Variants in UTP20 observed in about 807,000 individuals in gnomAD.
The protein encoded by UTP20 is small subunit processome component 20 homolog.
A neutral mutation model predicts 329.5 loss-of-function variants in UTP20; 164 were observed. That is an observed-to-expected ratio of 0.50 (90% CI 0.44 to 0.57). The LOEUF (loss-of-function observed/expected upper bound fraction) is 0.57, where lower values mean the gene tolerates loss of function less well. Ranked by LOEUF, UTP20 falls within the 20% of genes least tolerant of loss-of-function variation. The pLI, the probability that UTP20 is intolerant of heterozygous loss-of-function variation, is 0.00. For synonymous variants in UTP20, 1,151 were observed against 1,159.3 expected (o/e 0.99, Z 0.14); for missense variants, 3,055 against 3,284.2 (o/e 0.93, Z 1.71).
Position 101,291,400 on chromosome 12 carries a change from C to T in UTP20, c.892-342C>T, listed in dbSNP as rs540851255. ...AGAAACGCTGTCTCTACTAAAAATA[C>T]AAAATGGCGCATGCCTGCAATCCCA... On this transcript the variant is annotated intron_variant, in intron 8 of 61. Coordinates refer to ENST00000261637, the MANE Select transcript of UTP20 (RefSeq NM_014503.3). 6 of 168,724 alleles carry T rather than the reference C, an allele frequency of 3.6e-5. No individual in the cohort carries two copies. The East Asian group carries it at 6.7e-4, about 19-fold the overall frequency. The allele number at this position is 168,724 out of a possible 1,614,324, so 10.5% of individuals were successfully genotyped here.
At chr12:101,384,181 A>G (rs1870751568) in intron 60 of UTP20, among the ~76,000 whole-genome samples, 1 of 152,218 alleles carries the variant, frequency 6.6e-6, no homozygotes, top group African/African-American at 2.4e-5. Flanking sequence ...ACTATGGTTC[A>G]GGGTAGTTTT....
chr12:101,342,673 A>T, intron 33 of UTP20, 84 bp downstream of exon 33: 2 of 1,533,118 alleles, frequency 1.3e-6, no homozygotes, highest in Non-Finnish European at 1.8e-6. Flanking sequence ...GGCTTTCTTC[A>T]TGCCAGGGTG....
intron 49 of UTP20, among the ~76,000 whole-genome samples, chr12:101,370,095 C>G (rs1276977972): frequency 6.6e-6 from 1 of 151,832 alleles, no homozygotes; most frequent in Non-Finnish European, 1.5e-5. Flanking sequence ...TGATGTGTAC[C>G]TGTAGTCCCA....
intron 37 of UTP20, 64 bp downstream of exon 37, chr12:101,345,758 C>A: frequency 1.4e-6 from 2 of 1,425,210 alleles, no homozygotes; most frequent in Non-Finnish European, 9.4e-7. Context: ...ACAGTTCTAC[C>A]TCATTTGGAA....
intron 54 of UTP20, 107 bp downstream of exon 54, chr12:101,373,874 T>C (rs577655883): frequency 5.5e-6 from 7 of 1,264,668 alleles, no homozygotes; most frequent in East Asian, 2.5e-5. Flanking sequence ...TTTTCCCAAA[T>C]AGTGTTATTT....
At chr12:101,353,172 C>T (rs1869595545) in intron 40 of UTP20, 43 bp downstream of exon 40, 1 of 1,365,874 alleles carries the variant, frequency 7.3e-7, no homozygotes, top group Non-Finnish European at 1.0e-6. Context: ...TCATCTTATT[C>T]TTGGATAGTG....
In UTP20 at chr12:101,368,071, T is replaced by C. The variant is rs550807988; in HGVS notation, c.6384+95T>C. ...TAATGGTTGTATTTGGGCTCAAGCT[T>C]TATGAGATGATTGAGGTGTTTTTGT... On this transcript the variant is annotated intron_variant, in intron 48 of 61. Coordinates refer to ENST00000261637, the MANE Select transcript of UTP20 (RefSeq NM_014503.3). 51 of 896,890 alleles carry C rather than the reference T, an allele frequency of 5.7e-5. No individual in the cohort carries two copies. The East Asian group carries it at 1.2e-3, about 21-fold the overall frequency. The allele number at this position is 896,890 out of a possible 1,614,324, so 55.6% of individuals were successfully genotyped here.
At chr12:101,321,458 G>C in intron 24 of UTP20, 46 bp from the exon 25 acceptor site, 1 of 1,604,900 alleles carries the variant, frequency 6.2e-7, no homozygotes, top group South Asian at 1.1e-5. Context: ...TTATTCAAAA[G>C]CACTGTTGAT....
chr12:101,308,727 T>C (rs6538981), intron 18 of UTP20, among the ~76,000 whole-genome samples: 86,999 of 149,914 alleles, frequency 0.58, 27,862 homozygotes, highest in East Asian at 0.94. Context: ...GAACATCAGC[T>C]CTCTATGTTT....
At chr12:101,370,248 G>C (rs1375790935) in intron 49 of UTP20, among the ~76,000 whole-genome samples, 184 bp from the exon 50 acceptor site, 2 of 152,116 alleles carry the variant, frequency 1.3e-5, no homozygotes, top group African/African-American at 4.8e-5. Flanking sequence ...TAACATCAAA[G>C]TTAGTTTTCC....
At chr12:101,307,007 A>G (rs992010837) in intron 17 of UTP20, among the ~76,000 whole-genome samples, 23 of 151,892 alleles carry the variant, frequency 1.5e-4, no homozygotes, top group Non-Finnish European at 3.2e-4. Context: ...CTCCGTCTCT[A>G]CCAAAAACAC....
chr12:101,362,381 T>G (rs752405578), intron 44 of UTP20, among the ~76,000 whole-genome samples: 1 of 152,228 alleles, frequency 6.6e-6, no homozygotes, highest in Non-Finnish European at 1.5e-5. Flanking sequence ...AGGAGCTTTA[T>G]TTATAATACA....
Position 101,371,127 on chromosome 12 carries a change from GTC to G in UTP20, c.6761_6762del (p.Ser2254CysfsTer11). 2 of 1,614,084 alleles carry G rather than the reference GTC, an allele frequency of 1.2e-6. No individual in the cohort carries two copies. Among genetic ancestry groups the G allele is most frequent in the Non-Finnish European group, 1.7e-6 (2 of 1,179,992 alleles). On this transcript the variant is annotated frameshift_variant, in exon 51 of 62. Coordinates refer to ENST00000261637, the MANE Select transcript of UTP20 (RefSeq NM_014503.3). LOFTEE classifies it high-confidence loss of function. ...EVMRKVSKLA[V>X]SAQSEPARVQ... ...CATGCGGAAAGTATCCAAGTTGGCA[GTC>G]TCTGCACAAAGCGAACCTGCCAGGG...
chr12:101,306,324 G>GT (rs551219969), intron 16 of UTP20, among the ~76,000 whole-genome samples: 603 of 147,334 alleles, frequency 4.1e-3, no homozygotes, highest in Admixed American at 8.0e-3. Context: ...AATCAACATA[G>GT]TTTTTTTTTT....
At chr12:101,281,961 C>G (rs868603965) in intron 2 of UTP20, among the ~76,000 whole-genome samples, 1 of 152,084 alleles carries the variant, frequency 6.6e-6, no homozygotes, top group African/African-American at 2.4e-5. Flanking sequence ...CCTTGGCCTC[C>G]GAAAGTGCTG....
At chr12:101,372,219 C>T (rs191005758) in intron 51 of UTP20, among the ~76,000 whole-genome samples, 12 of 152,280 alleles carry the variant, frequency 7.9e-5, no homozygotes, top group East Asian at 7.7e-4. Context: ...TGAATGATGT[C>T]GCCTAGTTCT....
At chr12:101,289,355 C>T (rs969681460) in intron 6 of UTP20, among the ~76,000 whole-genome samples, 2 of 149,788 alleles carry the variant, frequency 1.3e-5, no homozygotes, top group South Asian at 2.1e-4. Flanking sequence ...CCAGCCTAGG[C>T]GACAGAGCAA....
chr12:101,362,083 C>G (rs949263853), intron 44 of UTP20, 23 bp downstream of exon 44: 1 of 1,583,934 alleles, frequency 6.3e-7, no homozygotes, highest in African/African-American at 1.4e-5. Flanking sequence ...GAAACGAATT[C>G]TAATTTTTTT....
chr12:101,302,900 C>T lies in UTP20; in HGVS notation c.1781+347C>T, dbSNP rs116575114. ...CAACATGCACATTCCCACTCTTGTT[C>T]GGCCTCAACTTGAGGTGATCAGCAT... On this transcript the variant is annotated intron_variant, in intron 15 of 61. Coordinates refer to ENST00000261637, the MANE Select transcript of UTP20 (RefSeq NM_014503.3). Among the ~76,000 whole-genome samples the T allele has an allele frequency of 8.7e-3, 1,323 of 152,274 alleles. 21 individuals carry two copies. The highest frequency in any genetic ancestry group is 0.03 in the African/African-American group (1,267 of 41,560).
Sources: allele counts gnomAD v4.1 joint callset (sites outside exome capture counted in the v4.1 genomes callset), GRCh38; gene constraint gnomAD v4.1.1; transcripts MANE v1.5; gene names NCBI Gene and HGNC (gene_info 2026-07-23, HGNC 2026-07-21).